BCO2: variants seen among roughly 807,000 people sequenced by gnomAD.
The protein encoded by BCO2 is carotenoid-cleaving dioxygenase, mitochondrial.
In BCO2, 56 loss-of-function variants were observed where a neutral mutation model predicts 65.8. The ratio of observed to expected loss-of-function variants is 0.85; its 90% confidence interval spans 0.69 to 1.06. The LOEUF (loss-of-function observed/expected upper bound fraction) is 1.06, where lower values mean the gene tolerates loss of function less well. Ranked by LOEUF, BCO2 falls within the 50% of genes least tolerant of loss-of-function variation. The pLI is 0.00. For missense variants in BCO2, 675 were observed against 698.5 expected, an observed-to-expected ratio of 0.97 and a Z score of 0.38; for synonymous variants, 233 against 242.3, an observed-to-expected ratio of 0.96 and a Z score of 0.36.
intron 2 of BCO2, among the ~76,000 whole-genome samples, chr11:112,186,988 T>C (rs553826050): frequency 3.0e-4 from 45 of 152,278 alleles, no homozygotes; most frequent in African/African-American, 1.1e-3. Context: ...ACTGTAATGA[T>C]TGTCCCCCTC....
chr11:112,205,685 C>G (rs1370958623), intron 8 of BCO2, among the ~76,000 whole-genome samples: 14 of 152,074 alleles, frequency 9.2e-5, no homozygotes, highest in Non-Finnish European at 1.9e-4. Flanking sequence ...TGTCAAACTC[C>G]TGGGCATGCA....
chr11:112,216,754 G>A (rs1266304247), intron 11 of BCO2, among the ~76,000 whole-genome samples: 1 of 152,140 alleles, frequency 6.6e-6, no homozygotes, highest in African/African-American at 2.4e-5. Context: ...TCAATGAACT[G>A]ACCTCCAAGT....
chr11:112,210,852 A>T (rs546873539), intron 8 of BCO2, among the ~76,000 whole-genome samples: 1 of 152,060 alleles, frequency 6.6e-6, no homozygotes, highest in Non-Finnish European at 1.5e-5. Context: ...GTGATATTAT[A>T]TTATAATTAT....
At chr11:112,209,722 A>G (rs1249099131) in intron 8 of BCO2, among the ~76,000 whole-genome samples, 1 of 152,204 alleles carries the variant, frequency 6.6e-6, no homozygotes, top group Non-Finnish European at 1.5e-5. Flanking sequence ...GGTGAAGTAC[A>G]TTGACTGATT....
intron 2 of BCO2, among the ~76,000 whole-genome samples, chr11:112,190,393 G>A (rs867545715): frequency 6.6e-6 from 1 of 151,870 alleles, no homozygotes; most frequent in South Asian, 2.1e-4. Flanking sequence ...TGATCAGGTG[G>A]GATTAATTTC....
chr11:112,216,121 C>T, intron 10 of BCO2, 99 bp from the exon 11 acceptor site: 1 of 805,950 alleles, frequency 1.2e-6, no homozygotes, highest in Non-Finnish European at 2.1e-6. Context: ...CACATCCAAA[C>T]TACATCACAG....
intron 2 of BCO2, among the ~76,000 whole-genome samples, chr11:112,184,156 C>G (rs906040759): frequency 2.0e-5 from 3 of 152,138 alleles, no homozygotes; most frequent in Non-Finnish European, 4.4e-5. Context: ...TCCAGAGCTA[C>G]TGCAATCAAA....
At chr11:112,211,109 C>G (rs1004658165) in intron 8 of BCO2, among the ~76,000 whole-genome samples, 7 of 152,010 alleles carry the variant, frequency 4.6e-5, no homozygotes, top group African/African-American at 7.2e-5. Context: ...ATTCCCTGTT[C>G]CCCCCACCTC....
chr11:112,218,497 G>T lies in BCO2; in HGVS notation c.*623G>T. The T allele has an allele frequency of 7.3e-6, 2 of 272,470 alleles. No individual in the cohort carries two copies. Among genetic ancestry groups the T allele is most frequent in the South Asian group, 8.6e-5 (2 of 23,152 alleles). 16.9% of individuals were successfully genotyped at this position (272,470 alleles called of 1,614,324 possible). On this transcript the variant is annotated 3_prime_UTR_variant, in exon 12 of 12. Transcript: ENST00000357685. ...TTGTCTGCCTGCACCCAACTGCAAT[G>T]AGCCTATGTATGTCAAGTTGGTGGA...
Position 112,193,528 on chromosome 11 carries a change from G to A in BCO2, c.348G>A (p.Lys116=), listed in dbSNP as rs775765411. Residue 116 remains lysine, a synonymous_variant, in exon 3 of 12, where the codon AAG becomes AAA. Coordinates refer to ENST00000357685, the MANE Select transcript of BCO2 (RefSeq NM_031938.7). ...MALLHQFRMA[K]GTVTYRSKFL... Reference sequence around the variant, plus strand: ...TGCTTCACCAGTTCAGAATGGCAAAGGGCACAGTGACATACAGGAGCAAGT... The same window carrying A: ...TGCTTCACCAGTTCAGAATGGCAAAAGGCACAGTGACATACAGGAGCAAGT... The A allele has an allele frequency of 1.4e-5, 22 of 1,614,134 alleles. No individual in the cohort carries two copies. The highest frequency in any genetic ancestry group is 1.9e-5 in the Non-Finnish European group (22 of 1,180,038).
intron 2 of BCO2, among the ~76,000 whole-genome samples, chr11:112,184,730 C>T (rs1486624087): frequency 6.6e-6 from 1 of 151,544 alleles, no homozygotes; most frequent in African/African-American, 2.4e-5. Flanking sequence ...TTTCTTGAGT[C>T]ATTATCTTTC....
intron 11 of BCO2, among the ~76,000 whole-genome samples, chr11:112,216,741 A>G (rs538527848): frequency 6.6e-5 from 10 of 152,172 alleles, no homozygotes; most frequent in Non-Finnish European, 1.5e-4. Flanking sequence ...TGTGCTGCCA[A>G]TTTCAATGAA....
intron 8 of BCO2, among the ~76,000 whole-genome samples, chr11:112,203,821 A>T (rs79687649): frequency 6.6e-6 from 1 of 151,720 alleles, no homozygotes; most frequent in Admixed American, 6.6e-5. Flanking sequence ...TCTTTAAAAA[A>T]TTCCACATAA....
chr11:112,181,755 G>A, intron 2 of BCO2: 2 of 858,500 alleles, frequency 2.3e-6, no homozygotes, highest in Non-Finnish European at 2.0e-6. Flanking sequence ...GAACTTCAGT[G>A]GTGCCGATCT....
At chr11:112,203,893 C>T (rs892940912) in intron 8 of BCO2, among the ~76,000 whole-genome samples, 43 of 151,998 alleles carry the variant, frequency 2.8e-4, no homozygotes, top group African/African-American at 8.7e-4. Flanking sequence ...CTCACTCTGC[C>T]ACTCAGGCTG....
In BCO2 at chr11:112,200,665, G is replaced by A. The variant is rs146559526; in HGVS notation, c.918G>A (p.Leu306=). 1 of 1,613,672 alleles carries A rather than the reference G, an allele frequency of 6.2e-7. No homozygotes were observed. The highest frequency in any genetic ancestry group is 1.1e-5 in the South Asian group (1 of 91,054). ...IFIEQPLKMN[L]WKIATSKIRG... is the part of the protein sequence containing the mutation. ...TTGAACAACCTCTAAAGATGAACCTGTGGAAAATTGCCACTTCTAAAATTC... is the reference window on the plus strand; with the variant it reads ...TTGAACAACCTCTAAAGATGAACCTATGGAAAATTGCCACTTCTAAAATTC... Residue 306 remains leucine (L), a synonymous_variant, in exon 7 of 12, where the codon CTG becomes CTA. Coordinates refer to ENST00000357685, the MANE Select transcript of BCO2 (RefSeq NM_031938.7).
At chr11:112,216,921 G>A (rs1456511823) in intron 11 of BCO2, among the ~76,000 whole-genome samples, 1 of 152,172 alleles carries the variant, frequency 6.6e-6, no homozygotes, top group Non-Finnish European at 1.5e-5. Flanking sequence ...GCCTTTTAAG[G>A]GTTCAGTAAG....
At chr11:112,211,647 A>C (rs1859516000) in intron 8 of BCO2, among the ~76,000 whole-genome samples, 1 of 152,194 alleles carries the variant, frequency 6.6e-6, no homozygotes. Context: ...GTTTTAAAAA[A>C]ATAATAACCA....
At chr11:112,206,503 A>G (rs2135387431) in intron 8 of BCO2, among the ~76,000 whole-genome samples, 1 of 152,308 alleles carries the variant, frequency 6.6e-6, no homozygotes, top group South Asian at 2.1e-4. Context: ...TCACGCCTGT[A>G]ATCCCAGCAC....
Sources: gnomAD v4.1 joint callset for allele counts (sites outside exome capture counted in the v4.1 genomes callset) on GRCh38, gnomAD v4.1.1 for gene constraint, MANE v1.5 for transcripts, NCBI Gene and HGNC (gene_info 2026-07-23, HGNC 2026-07-21) for gene names.